TBCD: variants seen among roughly 807,000 people sequenced by gnomAD.
The protein encoded by TBCD is tubulin-specific chaperone D.
A neutral mutation model predicts 169.3 loss-of-function variants in TBCD; 105 were observed. The observed-to-expected ratio is 0.62, with a 90% CI of 0.53 to 0.73. The LOEUF (loss-of-function observed/expected upper bound fraction) is 0.73. Ranked by LOEUF, TBCD falls within the 30% of genes least tolerant of loss-of-function variation. TBCD has a pLI of 0.00. For missense variants in TBCD, 1,444 were observed against 1,600.1 expected (o/e 0.90, Z 1.66); for synonymous variants, 700 against 643.9 (o/e 1.09, Z -1.32).
At chr17:82,852,783 G>A (rs1219848920) in intron 13 of TBCD, among the ~76,000 whole-genome samples, 2 of 152,204 alleles carry the variant, frequency 1.3e-5, no homozygotes, top group Non-Finnish European at 2.9e-5. Context: ...GTTGGTAGAC[G>A]TTTGGGTTGT....
At chr17:82,865,856 G>T (rs953445962) in intron 13 of TBCD, among the ~76,000 whole-genome samples, 90 of 152,274 alleles carry the variant, frequency 5.9e-4, no homozygotes, top group Non-Finnish European at 2.9e-4. Context: ...GTCACCTGGA[G>T]GCTGCTTTTT....
intron 13 of TBCD, among the ~76,000 whole-genome samples, chr17:82,854,971 A>G (rs1335255280): frequency 1.3e-5 from 2 of 152,080 alleles, no homozygotes; most frequent in African/African-American, 4.8e-5. Context: ...ACCTCCTAAC[A>G]CCGTGCTCTT....
chr17:82,855,002 G>A (rs946869971), intron 13 of TBCD, among the ~76,000 whole-genome samples: 4 of 152,112 alleles, frequency 2.6e-5, no homozygotes, highest in Admixed American at 2.0e-4. Context: ...ATTTCAGCAG[G>A]AATTCTGGGG....
intron 11 of TBCD, among the ~76,000 whole-genome samples, 189 bp from the exon 12 acceptor site, chr17:82,809,519 A>G (rs2051272181): frequency 6.6e-6 from 1 of 152,142 alleles, no homozygotes; most frequent in Non-Finnish European, 1.5e-5. Flanking sequence ...ATCTGGCTGC[A>G]GGCTCCTTTA....
chr17:82,883,440 A>T (rs1371134429), intron 14 of TBCD, among the ~76,000 whole-genome samples: 1 of 152,234 alleles, frequency 6.6e-6, no homozygotes, highest in Non-Finnish European at 1.5e-5. Context: ...GAGCTGGGTG[A>T]TCTCACAAGA....
At chr17:82,820,953 C>T (rs914275647) in intron 13 of TBCD, among the ~76,000 whole-genome samples, 2 of 152,116 alleles carry the variant, frequency 1.3e-5, no homozygotes, top group African/African-American at 4.8e-5. Context: ...TCTTTAGTTT[C>T]TCTTTTAATA....
intron 17 of TBCD, among the ~76,000 whole-genome samples, chr17:82,898,456 G>C (rs1376272385): frequency 6.6e-6 from 1 of 152,234 alleles, no homozygotes; most frequent in Non-Finnish European, 1.5e-5. Context: ...CTGAGCAGAG[G>C]CTTCGTTTTC....
chr17:82,863,646 C>T (rs542698390), intron 13 of TBCD, among the ~76,000 whole-genome samples: 3 of 152,308 alleles, frequency 2.0e-5, no homozygotes, highest in African/African-American at 7.2e-5. Flanking sequence ...AAACTCTGCT[C>T]ATCAGTGCCC....
chr17:82,942,380 AGGGTCCCCTGGCT>A lies in TBCD; in HGVS notation c.3565-65_3565-53del, dbSNP rs2063392697. ...TCCCCACACAGGGCCCAGAGGGGTG[AGGGTCCCCTGGCT>A]GGGAATGGTGTGTGTTGGAGCTGAC... On this transcript the variant is annotated intron_variant, in intron 38 of 38. Coordinates refer to ENST00000355528, the MANE Select transcript of TBCD (RefSeq NM_005993.5). 9.5e-5 allele frequency: 153 copies of A among 1,609,108 alleles called. 1 individual carries two copies. In the South Asian group the frequency reaches 1.6e-3, roughly 17 times the overall value.
At chr17:82,921,642 T>C in intron 25 of TBCD, 65 bp downstream of exon 25, 2 of 1,493,954 alleles carry the variant, frequency 1.3e-6, no homozygotes, top group Admixed American at 1.7e-5. Flanking sequence ...TCACGGATGG[T>C]GTTTGTGTTG....
intron 37 of TBCD, 120 bp downstream of exon 37, chr17:82,939,596 G>A: frequency 3.8e-6 from 3 of 783,540 alleles, no homozygotes; most frequent in Non-Finnish European, 6.3e-6. Flanking sequence ...AGGGTTCCCA[G>A]GTCTCCACAT....
intron 11 of TBCD, among the ~76,000 whole-genome samples, chr17:82,809,500 C>T (rs889526745): frequency 1.3e-5 from 2 of 152,200 alleles, no homozygotes; most frequent in Non-Finnish European, 2.9e-5. Context: ...GCTCACTCGT[C>T]CCCTTTGAAT....
rs978484714 is a variant in TBCD, at chr17:82,880,773, G to A, written c.1476-3372G>A. 1.3e-5 allele frequency among the ~76,000 whole-genome samples: 2 copies of A among 152,230 alleles called. No individual in the cohort carries two copies. The highest frequency in any genetic ancestry group is 1.3e-4 in the Admixed American group (2 of 15,288). On this transcript the variant is annotated intron_variant, in intron 14 of 38. Coordinates refer to ENST00000355528, the MANE Select transcript of TBCD (RefSeq NM_005993.5). The surrounding 1 kb of genome is among the most constrained non-coding windows in gnomAD (Gnocchi z 5.0). ...GCAGGAGGGGCTGGGCGGGGAGGAC[G>A]CAGGGTCTGTCGGAGCATAGCAGTG...
intron 22 of TBCD, among the ~76,000 whole-genome samples, chr17:82,911,211 A>G (rs1489348231): frequency 6.6e-6 from 1 of 152,102 alleles, no homozygotes; most frequent in African/African-American, 2.4e-5. Context: ...GCAGGAGGGG[A>G]CATCCAACCC....
At chr17:82,860,031 A>C (rs1453360138) in intron 13 of TBCD, among the ~76,000 whole-genome samples, 1 of 152,100 alleles carries the variant, frequency 6.6e-6, no homozygotes, top group Non-Finnish European at 1.5e-5. Flanking sequence ...GCTGCTTCTG[A>C]AGTGCCTGTG....
Position 82,831,286 on chromosome 17 carries a change from G to T in TBCD, c.1318+16352G>T. The stretch of plus-strand genomic sequence containing the variant: ...GGACCCTTCCGTGTCTCTCTGCCCA[G>T]CCTTGGAGGAGTCTTTAGCCTCAGG... On this transcript the variant is annotated intron_variant, in intron 13 of 38. Coordinates refer to ENST00000355528, the MANE Select transcript of TBCD (RefSeq NM_005993.5). This position sits in a 1 kb window ranked among gnomAD's most constrained non-coding sequence, Gnocchi z 4.6. 1 of 1,613,870 alleles carries T rather than the reference G, an allele frequency of 6.2e-7. No individual in the cohort carries two copies. Among genetic ancestry groups the T allele is most frequent in the Non-Finnish European group, 8.5e-7 (1 of 1,180,036 alleles).
At chr17:82,885,164 G>T (rs2058635878) in intron 15 of TBCD, among the ~76,000 whole-genome samples, 1 of 152,070 alleles carries the variant, frequency 6.6e-6, no homozygotes, top group South Asian at 2.1e-4. Flanking sequence ...ACTGGTGAGG[G>T]TTTCCTGTCA....
Position 82,870,304 on chromosome 17 carries a change from G to T in TBCD, c.1399G>T (p.Ala467Ser). The T allele has an allele frequency of 6.2e-7, 1 of 1,613,572 alleles. No homozygotes were observed. The change falls in exon 14 of 39, where the codon GCC becomes TCC. Residue 467 changes from alanine to serine, a missense_variant. Ala to Ser is a moderately conservative substitution (Grantham distance 99, BLOSUM62 1). Transcript: ENST00000355528. ...CGTGGGCACCAACGTCAGGGACGCC[G>T]CCTGCTACGTGTGCTGGGCCTTCGC... Reference protein sequence around the residue: ...CSVGTNVRDAACYVCWAFARA... With the variant: ...CSVGTNVRDASCYVCWAFARA...
In TBCD at chr17:82,887,168, T is replaced by TGTGTGTGTGTGTGCGCGCGC; in HGVS notation, c.1534-2499_1534-2498insTGTGTGTGTGTGCGCGCGCG. On this transcript the variant is annotated intron_variant, in intron 15 of 38. Coordinates refer to ENST00000355528, the MANE Select transcript of TBCD (RefSeq NM_005993.5). ...GTGTGTGTGTGTGTGTGTGTGTGTG[T>TGTGTGTGTGTGTGCGCGCGC]GCGCGCGCGCGCACGTGCGCTCACG... is the stretch of plus-strand genomic sequence containing the variant. 4.1e-3 allele frequency among the ~76,000 whole-genome samples: 517 copies of TGTGTGTGTGTGTGCGCGCGC among 126,058 alleles called. 1 individual carries two copies. Among genetic ancestry groups the TGTGTGTGTGTGTGCGCGCGC allele is most frequent in the Middle Eastern group, 0.012 (3 of 244 alleles). 82.7% of individuals were successfully genotyped at this position (126,058 alleles called of 152,430 possible). A position where few individuals can be genotyped will look rare whatever the true frequency, so the allele number is the denominator to read the frequency against.
Sources: gnomAD v4.1 joint callset for allele counts (sites outside exome capture counted in the v4.1 genomes callset) on GRCh38, gnomAD v4.1.1 for gene constraint, Gnocchi (gnomAD v3.1) non-coding constraint, MANE v1.5 for transcripts, NCBI Gene and HGNC (gene_info 2026-07-23, HGNC 2026-07-21) for gene names.